Variants in PCDHGB2 observed in about 807,000 individuals in gnomAD.
The protein encoded by PCDHGB2 is protocadherin gamma subfamily B, 2.
A neutral mutation model predicts 59.3 loss-of-function variants in PCDHGB2; 55 were observed. The ratio of observed to expected loss-of-function variants is 0.93; its 90% CI spans 0.75 to 1.16. The LOEUF is 1.16. Among genes scored for constraint, PCDHGB2 ranks in the 50% most tolerant of loss-of-function variants. The pLI is 0.00. For synonymous variants in PCDHGB2, 516 were observed against 512.0 expected (o/e 1.01, Z -0.11); for missense variants, 1,228 against 1,198.5 (o/e 1.02, Z -0.36).
chr5:141,482,530 C>CAAAAAAAAAAA (rs3074545), intron 1 of PCDHGB2, among the ~76,000 whole-genome samples: 21 of 76,546 alleles, frequency 2.7e-4, no homozygotes, highest in African/African-American at 4.8e-4. Context: ...GACAGACATG[C>CAAAAAAAAAAA]AAAAAAAAAA....
chr5:141,419,765 G>A, intron 1 of PCDHGB2: 1 of 1,614,016 alleles, frequency 6.2e-7, no homozygotes, highest in Non-Finnish European at 8.5e-7. Context: ...GGGTGACAAG[G>A]ACTCGGTCCG....
chr5:141,375,097 G>T (rs377388001), intron 1 of PCDHGB2: 1 of 1,613,904 alleles, frequency 6.2e-7, no homozygotes, highest in Non-Finnish European at 8.5e-7. Flanking sequence ...TAACTATCTT[G>T]GATGTCAATG....
chr5:141,478,514 G>A, intron 1 of PCDHGB2: 2 of 1,611,534 alleles, frequency 1.2e-6, no homozygotes, highest in Non-Finnish European at 1.7e-6. Context: ...CTATAGGCAG[G>A]TGTTGGGTGC....
chr5:141,418,542 T>G, intron 1 of PCDHGB2: 1 of 1,614,028 alleles, frequency 6.2e-7, no homozygotes, highest in Non-Finnish European at 8.5e-7. Flanking sequence ...ACTGCTCAGA[T>G]AAGAATCCTG....
intron 1 of PCDHGB2, chr5:141,478,305 C>T (rs775282798): frequency 2.5e-6 from 4 of 1,614,092 alleles, no homozygotes; most frequent in East Asian, 2.2e-5. Flanking sequence ...TACCGAGCCC[C>T]GGTGAGCTCA....
At position 141,477,019 on chromosome 5, in the gene PCDHGB2, C is replaced by T. The variant is rs148675327; in HGVS notation, c.2422-17788C>T. 1.9e-5 allele frequency: 30 copies of T among 1,614,242 alleles called. No individual in the cohort carries two copies. Among genetic ancestry groups the T allele is most frequent in the Non-Finnish European group, 2.5e-5 (30 of 1,180,048 alleles). On this transcript the variant is annotated intron_variant, in intron 1 of 3. Transcript: ENST00000522605. This position sits in a 1 kb window ranked among gnomAD's most constrained non-coding sequence, Gnocchi z 4.9. ...AACTATTCGCCTTAGACCTTGTAAC[C>T]GGGATGCTGACAATCAAGGGTCGGC...
intron 1 of PCDHGB2, among the ~76,000 whole-genome samples, chr5:141,462,399 T>C (rs2099038838): frequency 6.6e-6 from 1 of 152,236 alleles, no homozygotes; most frequent in South Asian, 2.1e-4. Flanking sequence ...ATTTCTTTTA[T>C]GGCACAGAAT....
intron 1 of PCDHGB2, chr5:141,411,407 A>G (rs2154543610): frequency 6.6e-6 from 1 of 151,868 alleles, no homozygotes; most frequent in East Asian, 1.9e-4. Context: ...CCCCATCTCT[A>G]CTAAAACAAC....
chr5:141,385,205 T>A, intron 1 of PCDHGB2: 1 of 1,614,228 alleles, frequency 6.2e-7, no homozygotes, highest in Non-Finnish European at 8.5e-7. Flanking sequence ...AGTCACCTGA[T>A]CTTCCCCCAG....
rs369323252 is a variant in PCDHGB2 at position 141,487,658 on chromosome 5, G to T, written c.2422-7149G>T. ...TCAACAAATGCTTGAGGGTTATTCT[G>T]ATCCAGGCATATGGCTAGGCCATGT... On this transcript the variant is annotated intron_variant, in intron 1 of 3. Coordinates refer to ENST00000522605, the MANE Select transcript of PCDHGB2 (RefSeq NM_018923.3). This position sits in a 1 kb window ranked among gnomAD's most constrained non-coding sequence, Gnocchi z 5.0. The T allele has an allele frequency of 8.7e-5, 140 of 1,613,508 alleles. No individual in the cohort carries two copies. The highest frequency in any genetic ancestry group is 1.1e-4 in the Non-Finnish European group (134 of 1,179,802).
In PCDHGB2 at chr5:141,362,299, G is replaced by C. The variant is rs781560478; in HGVS notation, c.2164G>C (p.Asp722His). The change falls in exon 1 of 4, where the codon GAT (aspartate) becomes CAT (histidine). Residue 722 changes from aspartate to histidine, a missense_variant. Asp to His is a moderately conservative substitution (Grantham distance 81, BLOSUM62 -1). Around this residue, in one of 3 missense-constraint regions of PCDHGB2, gnomAD observed 433 missense variants for 441.8 expected, o/e 0.98. Transcript: ENST00000522605. ...GCGCCTGCGACTCTCTTCCAGGTCA[G>C]ATGCTTGGGACTGTTTTCAGCCTGG... ...SLRLRLSSRS[D>H]AWDCFQPGLS... 3 of 1,614,078 alleles carry C rather than the reference G, an allele frequency of 1.9e-6. No individual in the cohort carries two copies. Among genetic ancestry groups the C allele is most frequent in the Non-Finnish European group, 2.5e-6 (3 of 1,179,910 alleles).
chr5:141,366,202 C>T lies in PCDHGB2; in HGVS notation c.2421+3646C>T, dbSNP rs548407771. On this transcript the variant is annotated intron_variant, in intron 1 of 3. Transcript: ENST00000522605. ...TCTTTGCGGTTGGGCTGCACACGGGCGAGGTGCGCACAGCGCGAGCCCTGC... is the reference window on the plus strand; with the variant it reads ...TCTTTGCGGTTGGGCTGCACACGGGTGAGGTGCGCACAGCGCGAGCCCTGC... 2.8e-5 allele frequency: 45 copies of T among 1,613,844 alleles called. No individual in the cohort carries two copies. In the South Asian group the frequency reaches 4.8e-4, roughly 17 times the overall value.
At chr5:141,510,334 C>G (rs1463634534) in intron 3 of PCDHGB2, among the ~76,000 whole-genome samples, 1 of 151,448 alleles carries the variant, frequency 6.6e-6, no homozygotes, top group African/African-American at 2.4e-5. Context: ...TCTTCACCCC[C>G]ACCCCACACA....
chr5:141,408,903 A>C, intron 1 of PCDHGB2: 1 of 1,613,512 alleles, frequency 6.2e-7, no homozygotes, highest in Non-Finnish European at 8.5e-7. Context: ...TCTGTCAAGG[A>C]TACCAATGAT....
chr5:141,374,469 A>C (rs1770516740), intron 1 of PCDHGB2: 1 of 1,612,580 alleles, frequency 6.2e-7, no homozygotes, highest in Admixed American at 1.7e-5. Context: ...ATTAATGACA[A>C]TACACCCCGA....
Position 141,432,026 on chromosome 5 carries a change from A to G in PCDHGB2, c.2422-62781A>G, listed in dbSNP as rs1591124077. On this transcript the variant is annotated intron_variant, in intron 1 of 3. Coordinates refer to ENST00000522605, the MANE Select transcript of PCDHGB2 (RefSeq NM_018923.3). The surrounding 1 kb of genome is among the most constrained non-coding windows in gnomAD (Gnocchi z 6.0). ...GGTTCCTAGCTACAACATCACAGTG[A>G]CCGCCACTGACCGGGGAACCCCGCC... The G allele has an allele frequency of 1.9e-6, 3 of 1,614,152 alleles. 1 individual carries two copies. Among genetic ancestry groups the G allele is most frequent in the Middle Eastern group, 3.3e-4 (2 of 6,062 alleles).
intron 1 of PCDHGB2, chr5:141,427,884 G>T (rs1346875505): frequency 5.1e-6 from 8 of 1,564,634 alleles, no homozygotes; most frequent in African/African-American, 2.7e-5. Flanking sequence ...GCAGGCCCAC[G>T]ACCAGGGCTC....
At chr5:141,410,576 C>A (rs533810160) in intron 1 of PCDHGB2, 1 of 1,611,270 alleles carries the variant, frequency 6.2e-7, no homozygotes, top group African/African-American at 1.3e-5. Flanking sequence ...AATTCCACCT[C>A]ATGGTGGGGA....
chr5:141,426,369 A>G, intron 1 of PCDHGB2: 1 of 205,906 alleles, frequency 4.9e-6, no homozygotes, highest in Non-Finnish European at 1.0e-5. Context: ...TCTGCGGGGC[A>G]CCCTCGGAGC....
Sources: allele counts gnomAD v4.1 joint callset (sites outside exome capture counted in the v4.1 genomes callset), GRCh38; gene constraint gnomAD v4.1.1; regional missense constraint gnomAD v4.1.1; non-coding constraint Gnocchi (gnomAD v3.1); transcripts MANE v1.5; gene names NCBI Gene and HGNC (gene_info 2026-07-23, HGNC 2026-07-21).